ADGRD1: variants seen among roughly 807,000 people sequenced by gnomAD.
ADGRD1 encodes the protein adhesion G protein-coupled receptor D1.
Under a neutral mutation model 113.4 loss-of-function variants are expected in ADGRD1, and 77 were observed. The observed-to-expected ratio is 0.68, with a 90% CI of 0.57 to 0.82. ADGRD1 has a LOEUF of 0.82. ADGRD1 is among the 40% of genes least tolerant of loss of function. The probability of loss-of-function intolerance (pLI) is 0.00; values close to 1 mark genes in which losing one functional copy is unlikely to be tolerated. For synonymous variants in ADGRD1, 474 were observed against 475.0 expected (o/e 1.00, Z 0.03); for missense variants, 1,036 against 1,139.1 (o/e 0.91, Z 1.30).
intron 6 of ADGRD1, 78 bp downstream of exon 6, chr12:130,987,427 A>C (rs1179817439): frequency 6.5e-7 from 1 of 1,537,188 alleles, no homozygotes; most frequent in Non-Finnish European, 8.9e-7. Context: ...CTTTCTCCCC[A>C]CTCTCCCGTT....
chr12:131,031,202 C>A (rs1012136845), intron 13 of ADGRD1, among the ~76,000 whole-genome samples: 1 of 152,224 alleles, frequency 6.6e-6, no homozygotes, highest in Non-Finnish European at 1.5e-5. Flanking sequence ...CTCCCACCCT[C>A]CCTTCCTGCG....
At chr12:130,996,759 C>T (rs1430363362) in intron 8 of ADGRD1, among the ~76,000 whole-genome samples, 1 of 94,158 alleles carries the variant, frequency 1.1e-5, no homozygotes, top group East Asian at 3.0e-4. Context: ...CAGAGGGGCT[C>T]CTCACTTCCC....
chr12:130,992,198 T>C, intron 7 of ADGRD1, 39 bp from the exon 8 acceptor site: 1 of 1,564,846 alleles, frequency 6.4e-7, no homozygotes, highest in Non-Finnish European at 8.7e-7. Context: ...ATTTTGGTTT[T>C]AGTTCTTAGT....
At chr12:130,982,096 C>G in intron 5 of ADGRD1, 33 bp downstream of exon 5, 2 of 1,579,804 alleles carry the variant, frequency 1.3e-6, no homozygotes, top group Non-Finnish European at 1.7e-6. Flanking sequence ...GGAGGCTCTG[C>G]CTGGAGGAGT....
intron 13 of ADGRD1, among the ~76,000 whole-genome samples, chr12:131,061,820 C>G (rs536073535): frequency 6.6e-6 from 1 of 152,340 alleles, no homozygotes; most frequent in Non-Finnish European, 1.5e-5. Flanking sequence ...CTCCTGGCAA[C>G]CAGTGTTCTG....
intron 22 of ADGRD1, among the ~76,000 whole-genome samples, chr12:131,136,622 C>G (rs1168485124): frequency 6.6e-6 from 1 of 152,242 alleles, no homozygotes; most frequent in Non-Finnish European, 1.5e-5. Context: ...CCATGGCCCT[C>G]CCAGCCCTCC....
intron 5 of ADGRD1, among the ~76,000 whole-genome samples, chr12:130,985,908 G>A (rs1873602994): frequency 1.4e-5 from 2 of 148,082 alleles, no homozygotes; most frequent in South Asian, 2.3e-4. Flanking sequence ...ACCATTTGTT[G>A]CAACAAATGG....
At chr12:131,098,342 T>C (rs1393559019) in intron 15 of ADGRD1, among the ~76,000 whole-genome samples, 1 of 151,892 alleles carries the variant, frequency 6.6e-6, no homozygotes, top group Non-Finnish European at 1.5e-5. Context: ...GGCTGGAGCA[T>C]GCGGGGCCTC....
At chr12:131,016,172 C>A (rs952393591) in intron 13 of ADGRD1, among the ~76,000 whole-genome samples, 13 of 152,242 alleles carry the variant, frequency 8.5e-5, no homozygotes, top group African/African-American at 2.9e-4. Context: ...TCCACGCGGT[C>A]TTTGCGCTGT....
chr12:131,042,099 C>T (rs990156904), intron 13 of ADGRD1, among the ~76,000 whole-genome samples: 4 of 152,352 alleles, frequency 2.6e-5, no homozygotes, highest in African/African-American at 7.2e-5. Context: ...GGGGCCACTG[C>T]GCCCCAGCTG....
At chr12:131,069,001 CTCTT>C (rs1884943040) in intron 13 of ADGRD1, among the ~76,000 whole-genome samples, 1 of 152,226 alleles carries the variant, frequency 6.6e-6, no homozygotes, top group Non-Finnish European at 1.5e-5. Flanking sequence ...TCTGTTCTGC[CTCTT>C]TCTTTACTCC....
chr12:131,111,614 G>GT (rs913070381), intron 18 of ADGRD1, among the ~76,000 whole-genome samples: 12 of 92,076 alleles, frequency 1.3e-4, no homozygotes, highest in Admixed American at 2.1e-4. Context: ...TTTCTTCATT[G>GT]TTTTTTTTTT....
intron 17 of ADGRD1, among the ~76,000 whole-genome samples, chr12:131,108,444 A>G (rs1231486167): frequency 6.6e-6 from 1 of 152,124 alleles, no homozygotes; most frequent in Non-Finnish European, 1.5e-5. Flanking sequence ...TCCTGTTGCA[A>G]GGAATGGATA....
chr12:130,979,580 T>C (rs73473227), intron 4 of ADGRD1, among the ~76,000 whole-genome samples: 8,686 of 152,128 alleles, frequency 0.057, 579 homozygotes, highest in African/African-American at 0.16. Flanking sequence ...GAAGGTAAGG[T>C]CTAAAGTCTA....
At position 131,104,838 on chromosome 12, in the gene ADGRD1, G is replaced by A. The variant is rs375179921; in HGVS notation, c.1679G>A (p.Arg560His). ...LMQVVPLELA[R>H]GHQVALSSIS... is the part of the protein sequence containing the mutation. ...CTGCTCTGCTCCCCGCAGCTTGCAC[G>A]CGGACACCAGGTGGCGCTGTCGTCT... Residue 560 changes from arginine to histidine, a missense_variant, in exon 16 of 25, where the codon CGC becomes CAC. Arg to His is a conservative substitution (Grantham distance 29). Transcript: ENST00000261654. 47 of 1,547,398 alleles carry A rather than the reference G, an allele frequency of 3.0e-5. No individual in the cohort carries two copies. The highest frequency in any genetic ancestry group is 9.6e-5 in the African/African-American group (7 of 73,034).
intron 2 of ADGRD1, among the ~76,000 whole-genome samples, chr12:130,964,523 T>C (rs1287664292): frequency 2.6e-5 from 4 of 152,036 alleles, no homozygotes; most frequent in Non-Finnish European, 5.9e-5. Context: ...CCGTCTCTAC[T>C]AAAAATACAA....
intron 15 of ADGRD1, among the ~76,000 whole-genome samples, chr12:131,089,007 C>T (rs1187867997): frequency 2.0e-5 from 3 of 152,158 alleles, no homozygotes; most frequent in African/African-American, 7.2e-5. Flanking sequence ...GAGGCCCCAC[C>T]GGTCCCAGAC....
rs895195349 is a variant in ADGRD1 at position 131,075,752 on chromosome 12, G to T, written c.1474-1049G>T. Reference sequence around the variant, plus strand: ...TCGAGGCCAGGATGGCGCTCATGAGGGGGGCTGCCCTCGTGGCTCTGTCCT... The same window carrying T: ...TCGAGGCCAGGATGGCGCTCATGAGTGGGGCTGCCCTCGTGGCTCTGTCCT... On this transcript the variant is annotated intron_variant, in intron 13 of 24. Transcript: ENST00000261654. This position sits in a 1 kb window ranked among gnomAD's most constrained non-coding sequence, Gnocchi z 5.3. Among the ~76,000 whole-genome samples the T allele has an allele frequency of 3.9e-5, 6 of 152,224 alleles. No individual in the cohort carries two copies. Among genetic ancestry groups the T allele is most frequent in the Non-Finnish European group, 5.9e-5 (4 of 68,042 alleles).
At chr12:131,091,229 C>T (rs374236534) in intron 15 of ADGRD1, among the ~76,000 whole-genome samples, 4 of 152,038 alleles carry the variant, frequency 2.6e-5, no homozygotes, top group Admixed American at 2.6e-4. Flanking sequence ...CAGAACAGAC[C>T]CTGTAACTTC....
Sources: gnomAD v4.1 joint callset for allele counts (sites outside exome capture counted in the v4.1 genomes callset) on GRCh38, gnomAD v4.1.1 for gene constraint, Gnocchi (gnomAD v3.1) non-coding constraint, MANE v1.5 for transcripts, NCBI Gene and HGNC (gene_info 2026-07-23, HGNC 2026-07-21) for gene names.